Variants in STAC observed in about 807,000 individuals in gnomAD.
STAC encodes SH3 and cysteine rich domain, also known as SH3 and cysteine-rich domain-containing protein.
Under a neutral mutation model 48.8 loss-of-function variants are expected in STAC, and 43 were observed. The observed-to-expected ratio is 0.88, with a 90% CI of 0.69 to 1.14. STAC has a LOEUF of 1.14. Among genes scored for constraint, STAC ranks in the 50% most tolerant of loss-of-function variants. The pLI, the probability that STAC is intolerant of heterozygous loss-of-function variation, is 0.00. For missense variants in STAC, 497 were observed against 504.0 expected (o/e 0.99, Z 0.13); for synonymous variants, 193 against 179.5 (o/e 1.07, Z -0.60).
chr3:36,434,829 A>G (rs1021736669), intron 1 of STAC, among the ~76,000 whole-genome samples: 4 of 152,164 alleles, frequency 2.6e-5, no homozygotes, highest in African/African-American at 9.7e-5. Context: ...ATGACTCCCA[A>G]TTTCTGCATT....
chr3:36,446,761 T>A (rs1696517967), intron 2 of STAC, among the ~76,000 whole-genome samples: 3 of 152,232 alleles, frequency 2.0e-5, no homozygotes, highest in African/African-American at 7.2e-5. Flanking sequence ...AAAAACTATT[T>A]TTAAATTAAC....
chr3:36,400,360 C>A (rs1361265428), intron 1 of STAC, among the ~76,000 whole-genome samples: 1 of 152,198 alleles, frequency 6.6e-6, no homozygotes. Context: ...CATTCTGAAT[C>A]TCATTTCACT....
At chr3:36,424,697 G>C (rs1467788967) in intron 1 of STAC, among the ~76,000 whole-genome samples, 2 of 152,106 alleles carry the variant, frequency 1.3e-5, no homozygotes, top group African/African-American at 2.4e-5. Flanking sequence ...AAGTAGGGAA[G>C]TGTTCAAAAC....
At chr3:36,425,112 TAA>T (rs1468121547) in intron 1 of STAC, among the ~76,000 whole-genome samples, 4 of 152,178 alleles carry the variant, frequency 2.6e-5, no homozygotes, top group East Asian at 1.9e-4. Context: ...GATGATTTTT[TAA>T]AAAGTCTTAT....
At chr3:36,539,416 T>C (rs561435576) in intron 10 of STAC, among the ~76,000 whole-genome samples, 59 of 152,290 alleles carry the variant, frequency 3.9e-4, no homozygotes, top group Non-Finnish European at 6.8e-4. Context: ...CCATGTGTCC[T>C]CATCATTTAG....
At chr3:36,481,070 G>GC (rs768776041) in intron 2 of STAC, among the ~76,000 whole-genome samples, 5 of 152,214 alleles carry the variant, frequency 3.3e-5, no homozygotes, top group African/African-American at 4.8e-5. Context: ...TCATTGAAAT[G>GC]CCAAGAGATC....
At chr3:36,445,012 C>T (rs781039194) in intron 2 of STAC, among the ~76,000 whole-genome samples, 1 of 152,212 alleles carries the variant, frequency 6.6e-6, no homozygotes, top group Non-Finnish European at 1.5e-5. Context: ...AATTTCCACA[C>T]ACATTTCCAC....
chr3:36,471,187 T>G (rs1697322617), intron 2 of STAC, among the ~76,000 whole-genome samples: 1 of 152,006 alleles, frequency 6.6e-6, no homozygotes, highest in Non-Finnish European at 1.5e-5. Context: ...CAAGAGAGAA[T>G]GAGGAGGAAG....
intron 2 of STAC, 31 bp from the exon 3 acceptor site, chr3:36,482,961 T>G: frequency 6.5e-7 from 1 of 1,545,416 alleles, no homozygotes; most frequent in Non-Finnish European, 8.9e-7. Context: ...GCAGGTTGTA[T>G]CCTAACCAAA....
intron 1 of STAC, among the ~76,000 whole-genome samples, chr3:36,402,150 T>C (rs916081481): frequency 6.6e-6 from 1 of 152,170 alleles, no homozygotes; most frequent in Non-Finnish European, 1.5e-5. Context: ...TATTGGCTTG[T>C]AGGAAAAGCT....
chr3:36,505,843 C>A lies in STAC; in HGVS notation c.920+9C>A. ...GAAGATTTGGAAATGAGGTAAAAAC[C>A]TTCTGTAAAGAAAAAAAAGAGTAAA... On this transcript the variant is annotated intron_variant, in intron 8 of 10. Transcript: ENST00000273183. 6.4e-7 allele frequency: 1 copy of A among 1,572,482 alleles called. No homozygotes were observed. Among genetic ancestry groups the A allele is most frequent in the Admixed American group, 1.9e-5 (1 of 53,170 alleles).
intron 3 of STAC, 83 bp from the exon 4 acceptor site, chr3:36,484,894 A>G (rs958973471): frequency 4.5e-6 from 5 of 1,114,990 alleles, no homozygotes; most frequent in Admixed American, 2.8e-5. Context: ...GGAGAAACCA[A>G]TTGGTTTTAT....
rs76102263 is a variant in STAC, at chr3:36,380,900, G to A, written c.111+146G>A. 132 of 590,432 alleles carry A rather than the reference G, an allele frequency of 2.2e-4. No homozygotes were observed. The highest frequency in any genetic ancestry group is 9.0e-4 in the Middle Eastern group (3 of 3,350). The allele number at this position is 590,432 out of a possible 1,614,324, so 36.6% of individuals were successfully genotyped here. A position where few individuals can be genotyped will look rare whatever the true frequency, so the allele number is the denominator to read the frequency against. On this transcript the variant is annotated intron_variant, in intron 1 of 10. Transcript: ENST00000273183. ...GGCTGTAGGACTTGAACGTCCGGTA[G>A]GACCCGCTGCTCACGATGCTGGACC...
chr3:36,513,063 T>C (rs1363469120), intron 8 of STAC, among the ~76,000 whole-genome samples: 1 of 152,078 alleles, frequency 6.6e-6, no homozygotes, highest in Non-Finnish European at 1.5e-5. Flanking sequence ...GTACAGGAAA[T>C]GTTAGGAGTG....
At chr3:36,389,971 G>C (rs1049947704) in intron 1 of STAC, among the ~76,000 whole-genome samples, 2 of 140,160 alleles carry the variant, frequency 1.4e-5, no homozygotes, top group Admixed American at 6.8e-5. Context: ...CTTTCATTTG[G>C]GGGGGAAGGG....
At chr3:36,478,566 C>A (rs190260002) in intron 2 of STAC, among the ~76,000 whole-genome samples, 3 of 152,164 alleles carry the variant, frequency 2.0e-5, no homozygotes, top group African/African-American at 7.2e-5. Context: ...ACAATCTCAG[C>A]TCACTGCAGC....
intron 1 of STAC, among the ~76,000 whole-genome samples, chr3:36,438,684 G>C: frequency 6.6e-6 from 1 of 152,150 alleles, no homozygotes; most frequent in Non-Finnish European, 1.5e-5. Context: ...ATCCCCCAGA[G>C]CAAGAAAAAT....
chr3:36,471,244 T>A (rs903883159), intron 2 of STAC, among the ~76,000 whole-genome samples: 2 of 152,174 alleles, frequency 1.3e-5, no homozygotes, highest in African/African-American at 4.8e-5. Context: ...GTGAGACTTA[T>A]TCACTATCAC....
chr3:36,440,235 C>T (rs1309180058), intron 1 of STAC, among the ~76,000 whole-genome samples: 1 of 152,182 alleles, frequency 6.6e-6, no homozygotes, highest in Non-Finnish European at 1.5e-5. Context: ...ACATGCATAG[C>T]ATGCAGGAGG....
Sources: allele counts gnomAD v4.1 joint callset (sites outside exome capture counted in the v4.1 genomes callset), GRCh38; gene constraint gnomAD v4.1.1; transcripts MANE v1.5; gene names NCBI Gene and HGNC (gene_info 2026-07-23, HGNC 2026-07-21).